GPR161: variants seen among roughly 807,000 people sequenced by gnomAD.
GPR161 encodes G-protein coupled receptor RE2.
GPR161 carries 25 observed loss-of-function variants against 39.2 expected under a neutral mutation model. The observed-to-expected ratio is 0.64, with a 90% CI of 0.47 to 0.89. The LOEUF (loss-of-function observed/expected upper bound fraction) is 0.89, where lower values mean the gene tolerates loss of function less well. GPR161 is among the 40% of genes least tolerant of loss of function. The probability of loss-of-function intolerance (pLI) is 0.00; values close to 1 mark genes in which losing one functional copy is unlikely to be tolerated. For missense variants in GPR161, 547 were observed against 677.8 expected (o/e 0.81, Z 2.14); for synonymous variants, 286 against 276.6 (o/e 1.03, Z -0.34).
chr1:168,101,591 C>T (rs1483134525), intron 2 of GPR161, among the ~76,000 whole-genome samples: 3 of 152,188 alleles, frequency 2.0e-5, no homozygotes, highest in East Asian at 1.9e-4. Flanking sequence ...TACTTCCCAG[C>T]CACGTGACCT....
intron 4 of GPR161, chr1:168,090,312 C>T (rs1307074550): frequency 2.8e-6 from 1 of 363,384 alleles, no homozygotes; most frequent in Admixed American, 4.4e-5. Flanking sequence ...ACTTTCAACC[C>T]CCTAATAACA....
rs951221589 is a variant in GPR161 at position 168,122,484 on chromosome 1, G to A, written c.-45+14255C>T. Among the ~76,000 whole-genome samples the A allele has an allele frequency of 7.2e-5, 11 of 152,056 alleles. No homozygotes were observed. The East Asian group carries it at 1.3e-3, about 19-fold the overall frequency. ...TAAAACAGACATCAAAACAAGTCAC[G>A]GCTTCCCTCAAAACCGTAAAAAGAT... On this transcript the variant is annotated intron_variant, in intron 1 of 5. Coordinates refer to ENST00000682931, the MANE Select transcript of GPR161 (RefSeq NM_001375883.1).
chr1:168,121,614 G>A (rs1698169538), intron 1 of GPR161, among the ~76,000 whole-genome samples: 1 of 152,142 alleles, frequency 6.6e-6, no homozygotes, highest in Non-Finnish European at 1.5e-5. Context: ...GGCCCCAAGA[G>A]TTAAGTGCTT....
chr1:168,102,457 T>C (rs1343146779), intron 2 of GPR161, among the ~76,000 whole-genome samples: 2 of 152,188 alleles, frequency 1.3e-5, no homozygotes, highest in Non-Finnish European at 1.5e-5. Context: ...CTCATGCTTG[T>C]AGCCCACCAC....
chr1:168,084,936 G>A lies in GPR161; in HGVS notation c.*595C>T, dbSNP rs532229574. 2.0e-5 allele frequency: 9 copies of A among 456,260 alleles called. No homozygotes were observed. Among genetic ancestry groups the A allele is most frequent in the Admixed American group, 4.7e-5 (2 of 42,586 alleles). 28.3% of individuals were successfully genotyped at this position (456,260 alleles called of 1,614,324 possible). Reference sequence around the variant, plus strand: ...GTCCCTATTAGCACCAGCAGGTGGCGCCACTGAGGACCGCTCCGAAGCGCT... The same window carrying A: ...GTCCCTATTAGCACCAGCAGGTGGCACCACTGAGGACCGCTCCGAAGCGCT... On this transcript the variant is annotated 3_prime_UTR_variant, in exon 6 of 6. Coordinates refer to ENST00000682931, the MANE Select transcript of GPR161 (RefSeq NM_001375883.1).
chr1:168,131,580 A>T (rs898694955), intron 1 of GPR161, among the ~76,000 whole-genome samples: 1 of 152,226 alleles, frequency 6.6e-6, no homozygotes, highest in Non-Finnish European at 1.5e-5. Context: ...GAAAAGCAGA[A>T]ATTTAAAATA....
At position 168,090,424 on chromosome 1, in the gene GPR161, CTT is replaced by C. The variant is rs1415700215; in HGVS notation, c.1204+138_1204+139del. The C allele has an allele frequency of 1.3e-5, 7 of 545,120 alleles. No homozygotes were observed. In the Admixed American group the frequency reaches 2.3e-4, roughly 18 times the overall value. The allele number at this position is 545,120 out of a possible 1,614,324, so 33.8% of individuals were successfully genotyped here. A position where few individuals can be genotyped will look rare whatever the true frequency, so the allele number is the denominator to read the frequency against. The stretch of plus-strand genomic sequence containing the variant: ...TCAAAGCCACGACTGGAAACCCAGA[CTT>C]ATGATTCTCACCCCCCACCCACCGT... On this transcript the variant is annotated intron_variant, in intron 4 of 5. Coordinates refer to ENST00000682931, the MANE Select transcript of GPR161 (RefSeq NM_001375883.1).
intron 3 of GPR161, among the ~76,000 whole-genome samples, chr1:168,091,928 C>T (rs1695102173): frequency 6.6e-6 from 1 of 151,676 alleles, no homozygotes; most frequent in South Asian, 2.1e-4. Context: ...TTTTATGATA[C>T]ACTCACAGAT....
At chr1:168,134,999 T>C (rs1013435249) in intron 1 of GPR161, 4 of 1,534,908 alleles carry the variant, frequency 2.6e-6, no homozygotes, top group Admixed American at 3.9e-5. Flanking sequence ...GACCACACAG[T>C]GCTCCTTCAC....
upstream of GPR161, chr1:168,137,476 C>T: frequency 7.5e-7 from 1 of 1,333,346 alleles, no homozygotes; most frequent in Non-Finnish European, 1.0e-6. Context: ...ACAGTGAATT[C>T]GTCCCGAAGC....
intron 1 of GPR161, among the ~76,000 whole-genome samples, chr1:168,113,170 G>A (rs1485956112): frequency 1.3e-5 from 2 of 152,174 alleles, no homozygotes; most frequent in Admixed American, 6.5e-5. Flanking sequence ...ATGGAAACAA[G>A]CTCAAGTGTG....
intron 1 of GPR161, among the ~76,000 whole-genome samples, chr1:168,110,528 GA>G (rs1697035759): frequency 1.8e-5 from 1 of 56,584 alleles, no homozygotes; most frequent in South Asian, 4.8e-4. Context: ...AAAAACGAAA[GA>G]AAGGAAAGGA....
intron 1 of GPR161, among the ~76,000 whole-genome samples, chr1:168,122,400 C>T (rs914594799): frequency 3.3e-5 from 5 of 152,180 alleles, no homozygotes; most frequent in South Asian, 2.1e-4. Context: ...TAGCTTCCCA[C>T]GAATCTACCT....
At chr1:168,116,242 C>T (rs1697622768) in intron 1 of GPR161, among the ~76,000 whole-genome samples, 1 of 152,192 alleles carries the variant, frequency 6.6e-6, no homozygotes, top group Non-Finnish European at 1.5e-5. Context: ...AGCTGACCAG[C>T]CTGCAGCACT....
chr1:168,107,689 C>T (rs570362409), intron 1 of GPR161, among the ~76,000 whole-genome samples: 1 of 152,288 alleles, frequency 6.6e-6, no homozygotes, highest in South Asian at 2.1e-4. Context: ...AAGACCTAAA[C>T]ACAGAGTTCA....
At chr1:168,087,483 C>T in intron 5 of GPR161, 102 bp downstream of exon 5, 1 of 1,355,912 alleles carries the variant, frequency 7.4e-7, no homozygotes, top group Non-Finnish European at 1.0e-6. Context: ...GGATGGAGCC[C>T]TGATATATTC....
intron 4 of GPR161, among the ~76,000 whole-genome samples, chr1:168,089,947 A>T (rs1694892161): frequency 6.6e-6 from 1 of 152,198 alleles, no homozygotes; most frequent in Non-Finnish European, 1.5e-5. Context: ...TTTGTGGTGG[A>T]GATGCGTTTC....
At position 168,120,098 on chromosome 1, in the gene GPR161, C is replaced by T. The variant is rs186707760; in HGVS notation, c.-44-15204G>A. Reference sequence around the variant, plus strand: ...CCCAGAAAGATAGATCCACTGACAACTTGCACCATGCACCTGGAAAAGCCG... The same window carrying T: ...CCCAGAAAGATAGATCCACTGACAATTTGCACCATGCACCTGGAAAAGCCG... On this transcript the variant is annotated intron_variant, in intron 1 of 5. Transcript: ENST00000682931. 3.2e-4 allele frequency among the ~76,000 whole-genome samples: 48 copies of T among 152,336 alleles called. 2 individuals carry two copies. The East Asian group carries it at 9.1e-3, about 29-fold the overall frequency.
intron 1 of GPR161, among the ~76,000 whole-genome samples, chr1:168,127,994 A>G (rs978442272): frequency 1.3e-5 from 2 of 152,190 alleles, no homozygotes; most frequent in Admixed American, 6.5e-5. Flanking sequence ...GCCCCCTCCC[A>G]GAACTGAGCT....
Sources: gnomAD v4.1 joint callset for allele counts (sites outside exome capture counted in the v4.1 genomes callset) on GRCh38, gnomAD v4.1.1 for gene constraint, MANE v1.5 for transcripts, NCBI Gene and HGNC (gene_info 2026-07-23, HGNC 2026-07-21) for gene names.